CCNH: variants seen among roughly 807,000 people sequenced by gnomAD.
CCNH encodes cyclin H, also known as cyclin-H.
Under a neutral mutation model 41.9 loss-of-function variants are expected in CCNH, and 31 were observed. The observed-to-expected ratio is 0.74, with a 90% CI of 0.56 to 1.00. The LOEUF (loss-of-function observed/expected upper bound fraction) is 1.00. Among genes scored for constraint, CCNH ranks in the 50% least tolerant of loss-of-function variants. CCNH has a pLI of 0.00. For synonymous variants in CCNH, 138 were observed against 136.1 expected, an observed-to-expected ratio of 1.01 and a Z score of -0.10; for missense variants, 362 against 388.4, an observed-to-expected ratio of 0.93 and a Z score of 0.57.
upstream of CCNH, chr5:87,378,454 T>C (rs1378081081): frequency 1.2e-6 from 2 of 1,612,088 alleles, no homozygotes; most frequent in Non-Finnish European, 1.7e-6. Context: ...TGGAGCAGTA[T>C]ATGAAAGCCA....
At chr5:87,391,836 A>G (rs1007466977), downstream of CCNH, 4 of 231,874 alleles carry the variant, frequency 1.7e-5, no homozygotes, top group East Asian at 2.5e-4. Context: ...TCAACTGTAT[A>G]GTTTTATTTA....
intron 9 of CCNH, chr5:87,341,404 G>A: frequency 1.1e-6 from 1 of 941,308 alleles, no homozygotes; most frequent in Non-Finnish European, 1.4e-6. Flanking sequence ...CAAAAAAATT[G>A]TTTTTTAAGG....
Position 87,383,853 on chromosome 5 carries a change from T to C in CCNH, c.*90+8917A>G, listed in dbSNP as rs559548917. The C allele has an allele frequency of 1.7e-5, 22 of 1,273,860 alleles. No homozygotes were observed. The Admixed American group carries it at 3.6e-4, about 21-fold the overall frequency. The allele number at this position is 1,273,860 out of a possible 1,614,324, so 78.9% of individuals were successfully genotyped here. ...AGTTTCATACTATTTAAGAATACTC[T>C]TAAATCTTTTTTTTTTTTTTGATCA... On this transcript the variant is annotated intron_variant and NMD_transcript_variant, in intron 9 of 9. Transcript: ENST00000645953.
downstream of CCNH, among the ~76,000 whole-genome samples, chr5:87,373,598 A>G (rs1364156474): frequency 1.3e-5 from 2 of 152,154 alleles, no homozygotes; most frequent in African/African-American, 4.8e-5. Flanking sequence ...ATGGCAAGAG[A>G]GAAAGAGAAC....
At chr5:87,355,966 C>T (rs1759618158) in intron 9 of CCNH, among the ~76,000 whole-genome samples, 1 of 152,190 alleles carries the variant, frequency 6.6e-6, no homozygotes, top group Non-Finnish European at 1.5e-5. Context: ...AATTACTCCA[C>T]TTTTGTGATG....
downstream of CCNH, chr5:87,390,776 T>G: frequency 6.3e-7 from 1 of 1,586,518 alleles, no homozygotes; most frequent in Non-Finnish European, 8.7e-7. Context: ...TCATTTATTT[T>G]CATACCATTT....
At chr5:87,346,653 AATTT>A in intron 9 of CCNH, 1 of 1,482,132 alleles carries the variant, frequency 6.7e-7, no homozygotes, top group African/African-American at 1.4e-5. Context: ...TTATATATCT[AATTT>A]ATTCTCTTTT....
At chr5:87,364,984 T>G (rs1760397302) in intron 9 of CCNH, among the ~76,000 whole-genome samples, 1 of 152,144 alleles carries the variant, frequency 6.6e-6, no homozygotes, top group South Asian at 2.1e-4. Flanking sequence ...GAAATGGATG[T>G]TGGAGAGGCA....
At chr5:87,391,109 C>A (rs554568547), downstream of CCNH, 2 of 618,344 alleles carry the variant, frequency 3.2e-6, no homozygotes, top group Admixed American at 5.2e-5. Context: ...TGGAATCAAT[C>A]TTTAACAACC....
chr5:87,386,950 ATAGC>A, downstream of CCNH: 1 of 1,478,928 alleles, frequency 6.8e-7, no homozygotes, highest in Non-Finnish European at 9.4e-7. Context: ...TCTAGTTGAT[ATAGC>A]TGAGTTAACC....
upstream of CCNH, among the ~76,000 whole-genome samples, chr5:87,380,307 G>A (rs990699030): frequency 6.6e-6 from 1 of 152,124 alleles, no homozygotes; most frequent in Non-Finnish European, 1.5e-5. Context: ...GAAGTTGACT[G>A]AATAAATTGA....
chr5:87,355,555 T>C (rs1231753762), intron 9 of CCNH, among the ~76,000 whole-genome samples: 1 of 152,204 alleles, frequency 6.6e-6, no homozygotes, highest in Non-Finnish European at 1.5e-5. Flanking sequence ...AGAGCTCAGA[T>C]AGAGATGTAC....
chr5:87,331,972 ATATTG>A (rs769070628), intron 9 of CCNH, among the ~76,000 whole-genome samples: 6 of 152,146 alleles, frequency 3.9e-5, no homozygotes, highest in Non-Finnish European at 7.4e-5. Flanking sequence ...ATATTTACCC[ATATTG>A]TATTGTTTCA....
chr5:87,412,465 T>A (rs1764329880), intron 1 of CCNH: 2 of 1,410,854 alleles, frequency 1.4e-6, no homozygotes, highest in Admixed American at 5.8e-5. Flanking sequence ...AAAGACTGGT[T>A]ACTTGTCTGC....
chr5:87,361,675 T>C (rs538198962), intron 9 of CCNH, among the ~76,000 whole-genome samples: 12 of 152,186 alleles, frequency 7.9e-5, no homozygotes, highest in Non-Finnish European at 1.5e-4. Context: ...ATGTAAGTTC[T>C]GCTATAATGT....
At chr5:87,400,913 A>G (rs1391112809) in intron 6 of CCNH, among the ~76,000 whole-genome samples, 2 of 152,226 alleles carry the variant, frequency 1.3e-5, no homozygotes, top group African/African-American at 4.8e-5. Context: ...GATTCTACTC[A>G]ACTCTCAACA....
downstream of CCNH, among the ~76,000 whole-genome samples, chr5:87,375,820 A>G (rs1761285694): frequency 6.6e-6 from 1 of 152,194 alleles, no homozygotes; most frequent in Non-Finnish European, 1.5e-5. Context: ...TCAAAGCCTG[A>G]ATATTTCTCT....
intron 7 of CCNH, among the ~76,000 whole-genome samples, chr5:87,396,438 C>A (rs544969691): frequency 2.6e-5 from 4 of 151,912 alleles, no homozygotes; most frequent in African/African-American, 7.3e-5. Context: ...TTGGCTAACA[C>A]GGTAAAATCC....
intron 7 of CCNH, among the ~76,000 whole-genome samples, chr5:87,395,486 G>A (rs549775032): frequency 6.6e-6 from 1 of 152,234 alleles, no homozygotes; most frequent in African/African-American, 2.4e-5. Flanking sequence ...TCAATGATCA[G>A]ACTAGATAAG....
Sources: allele counts gnomAD v4.1 joint callset (sites outside exome capture counted in the v4.1 genomes callset), GRCh38; gene constraint gnomAD v4.1.1; transcripts MANE v1.5; gene names NCBI Gene and HGNC (gene_info 2026-07-23, HGNC 2026-07-21).